Variants in PDE9A observed in about 807,000 individuals in gnomAD.
PDE9A encodes the protein high affinity cGMP-specific 3',5'-cyclic phosphodiesterase 9A.
A neutral mutation model predicts 87.4 loss-of-function variants in PDE9A; 60 were observed. The ratio of observed to expected loss-of-function variants is 0.69; its 90% CI spans 0.56 to 0.85. The LOEUF (loss-of-function observed/expected upper bound fraction) is 0.85. PDE9A is among the 40% of genes least tolerant of loss of function. PDE9A has a pLI of 0.00. For synonymous variants in PDE9A, 272 were observed against 279.4 expected (o/e 0.97, Z 0.27); for missense variants, 665 against 779.0 (o/e 0.85, Z 1.74).
chr21:42,663,628 G>C (rs555469754), intron 1 of PDE9A, among the ~76,000 whole-genome samples: 1 of 152,210 alleles, frequency 6.6e-6, no homozygotes, highest in Non-Finnish European at 1.5e-5. Context: ...CTGCGGTCAT[G>C]CAGCCCGACT....
chr21:42,736,751 C>T (rs1008399565), intron 7 of PDE9A, among the ~76,000 whole-genome samples: 2 of 152,186 alleles, frequency 1.3e-5, no homozygotes, highest in East Asian at 1.9e-4. Context: ...TGGCTGCCCT[C>T]CTCCCCTGGC....
intron 7 of PDE9A, chr21:42,734,447 G>A (rs552034563): frequency 5.7e-4 from 87 of 152,340 alleles, no homozygotes; most frequent in Middle Eastern, 3.4e-3. Flanking sequence ...ACAAGGCAAA[G>A]GTTAATGATT....
chr21:42,667,124 C>T (rs13048733), intron 1 of PDE9A, among the ~76,000 whole-genome samples: 8,347 of 152,212 alleles, frequency 0.055, 311 homozygotes, highest in Middle Eastern at 0.099. Flanking sequence ...GCCATGCTGG[C>T]GAAACAGCAA....
rs1326254976 is a variant in PDE9A at position 42,699,567 on chromosome 21, T to A, written c.262+556T>A. On this transcript the variant is annotated intron_variant, in intron 4 of 19. Transcript: ENST00000291539. ...CTTTTTCTTTTTCTTTTTTTTTTTTTAAAAAAAAACGGAGTCTGGTCCTGT... is the reference window on the plus strand; with the variant it reads ...CTTTTTCTTTTTCTTTTTTTTTTTTAAAAAAAAAACGGAGTCTGGTCCTGT... Among the ~76,000 whole-genome samples, 158 of 147,872 alleles carry A rather than the reference T, an allele frequency of 1.1e-3. 1 individual carries two copies. Among genetic ancestry groups the A allele is most frequent in the Admixed American group, 1.8e-3 (27 of 15,012 alleles).
intron 1 of PDE9A, among the ~76,000 whole-genome samples, chr21:42,678,756 G>A (rs1031879043): frequency 1.2e-4 from 19 of 152,222 alleles, no homozygotes; most frequent in African/African-American, 3.1e-4. Flanking sequence ...GCATTCTTCC[G>A]GCGGCCACCT....
chr21:42,663,992 T>C (rs2057783894), intron 1 of PDE9A, among the ~76,000 whole-genome samples: 1 of 152,184 alleles, frequency 6.6e-6, no homozygotes, highest in Non-Finnish European at 1.5e-5. Context: ...GTCCCTGTGG[T>C]GAGTCCACCA....
intron 4 of PDE9A, among the ~76,000 whole-genome samples, chr21:42,707,798 A>G (rs1181381522): frequency 6.6e-6 from 1 of 152,314 alleles, no homozygotes; most frequent in Middle Eastern, 3.4e-3. Context: ...ATTCTAATGC[A>G]TACCTTGCAT....
Position 42,685,467 on chromosome 21 carries a change from C to CTTTTTTTTTTTTTTTT in PDE9A, c.70-724_70-709dup, listed in dbSNP as rs765252066. Among the ~76,000 whole-genome samples, 247 of 115,908 alleles carry CTTTTTTTTTTTTTTTT rather than the reference C, an allele frequency of 2.1e-3. 19 individuals carry two copies. The highest frequency in any genetic ancestry group is 4.5e-3 in the African/African-American group (127 of 28,058). The allele number at this position is 115,908 out of a possible 152,430, so 76.0% of individuals were successfully genotyped here. ...CAGTCCCCAAATACCGAAAGGCAGTCTTTTTTTTTTTTTTTTGAGACGGAG... is the reference window on the plus strand; with the variant it reads ...CAGTCCCCAAATACCGAAAGGCAGTCTTTTTTTTTTTTTTTTTTTTTTTTTTTTTTTTGAGACGGAG... On this transcript the variant is annotated intron_variant, in intron 1 of 19. Transcript: ENST00000291539.
rs902107723 is a variant in PDE9A, at chr21:42,705,258, A to C, written c.262+6247A>C. On this transcript the variant is annotated intron_variant, in intron 4 of 19. Transcript: ENST00000291539. The surrounding 1 kb of genome is among the most constrained non-coding windows in gnomAD (Gnocchi z 4.3). ...AAAATAAAGGTAATAGCAACTACAA[A>C]AACCACGACACAGGCTTCTCAGCAT... Among the ~76,000 whole-genome samples the C allele has an allele frequency of 7.2e-5, 11 of 152,244 alleles. No homozygotes were observed. The highest frequency in any genetic ancestry group is 1.0e-4 in the Non-Finnish European group (7 of 68,042).
At chr21:42,708,335 C>A (rs560709167) in intron 4 of PDE9A, among the ~76,000 whole-genome samples, 1 of 152,204 alleles carries the variant, frequency 6.6e-6, no homozygotes, top group East Asian at 1.9e-4. Flanking sequence ...CGGAAGCCTG[C>A]GGAATGGAAG....
At chr21:42,749,858 C>A (rs1199242913) in intron 8 of PDE9A, among the ~76,000 whole-genome samples, 1 of 152,254 alleles carries the variant, frequency 6.6e-6, no homozygotes, top group Admixed American at 6.5e-5. Context: ...TACAAAGGGG[C>A]TGGGCGCAGT....
At position 42,775,308 on chromosome 21, in the gene PDE9A, G is replaced by A. The variant is rs751362792; in HGVS notation, c.*15G>A. On this transcript the variant is annotated 3_prime_UTR_variant, in exon 20 of 20. Coordinates refer to ENST00000291539, the MANE Select transcript of PDE9A (RefSeq NM_002606.3). Reference sequence around the variant, plus strand: ...ACTGTGCCTGAGGAAAGCGGGGGGCGTGGCTGCAGTTCTGGACGGGCTGGC... The same window carrying A: ...ACTGTGCCTGAGGAAAGCGGGGGGCATGGCTGCAGTTCTGGACGGGCTGGC... 8.7e-6 allele frequency: 14 copies of A among 1,608,902 alleles called. 1 individual carries two copies. Among genetic ancestry groups the A allele is most frequent in the Middle Eastern group, 3.3e-4 (2 of 6,078 alleles).
intron 4 of PDE9A, among the ~76,000 whole-genome samples, chr21:42,719,198 T>C (rs4920135): frequency 0.68 from 103,248 of 151,560 alleles, 36,997 homozygotes; most frequent in East Asian, 0.94. Flanking sequence ...CTGCCATGGC[T>C]TCCTCCTTTG....
chr21:42,774,187 CAG>C (rs2057316799), intron 19 of PDE9A, among the ~76,000 whole-genome samples: 1 of 152,148 alleles, frequency 6.6e-6, no homozygotes, highest in Non-Finnish European at 1.5e-5. Context: ...CCATGTCTAA[CAG>C]ATAATTCAAG....
chr21:42,740,483 C>T (rs977862593), intron 7 of PDE9A, among the ~76,000 whole-genome samples: 3 of 150,480 alleles, frequency 2.0e-5, no homozygotes, highest in South Asian at 2.1e-4. Flanking sequence ...TAGGTAGATA[C>T]ATAGAATGGG....
chr21:42,662,689 A>C (rs1347391825), intron 1 of PDE9A, among the ~76,000 whole-genome samples: 1 of 145,014 alleles, frequency 6.9e-6, no homozygotes, highest in African/African-American at 2.6e-5. Context: ...CTGCACACAC[A>C]TGCACACACC....
At chr21:42,728,977 G>C (rs1316892269) in intron 4 of PDE9A, among the ~76,000 whole-genome samples, 1 of 149,826 alleles carries the variant, frequency 6.7e-6, no homozygotes, top group African/African-American at 2.5e-5. Flanking sequence ...TCCAGCTTGG[G>C]GGACAGAGTG....
At chr21:42,754,139 C>G in intron 10 of PDE9A, 75 bp downstream of exon 10, 1 of 798,274 alleles carries the variant, frequency 1.3e-6, no homozygotes, top group Admixed American at 2.2e-5. Flanking sequence ...GGGACCACCC[C>G]CATCGCTCTT....
chr21:42,769,176 G>A (rs1381952661), intron 17 of PDE9A, 21 bp downstream of exon 17: 2 of 1,609,172 alleles, frequency 1.2e-6, no homozygotes, highest in Non-Finnish European at 1.7e-6. Context: ...GTCACCACAT[G>A]TCACACTTGC....
Sources: gnomAD v4.1 joint callset for allele counts (sites outside exome capture counted in the v4.1 genomes callset) on GRCh38, gnomAD v4.1.1 for gene constraint, Gnocchi (gnomAD v3.1) non-coding constraint, MANE v1.5 for transcripts, NCBI Gene and HGNC (gene_info 2026-07-23, HGNC 2026-07-21) for gene names.